The following TRIM41 variants were observed in gnomAD, a reference collection of about 807,000 sequenced individuals.
The protein encoded by TRIM41 is E3 ubiquitin-protein ligase TRIM41.
TRIM41 carries 21 observed loss-of-function variants against 60.6 expected under a neutral mutation model. The observed-to-expected ratio is 0.35, with a 90% CI of 0.25 to 0.50. The LOEUF (loss-of-function observed/expected upper bound fraction) is 0.50. Among genes scored for constraint, TRIM41 ranks in the 20% least tolerant of loss-of-function variants. TRIM41 has a pLI of 0.98. For missense variants in TRIM41, 846 were observed against 868.3 expected (o/e 0.97, Z 0.32); for synonymous variants, 407 against 344.9 (o/e 1.18, Z -2.00).
chr5:181,224,251 C>A lies in TRIM41; in HGVS notation c.252C>A (p.Thr84=), dbSNP rs1758434146. The change falls in exon 1 of 6, where the codon ACC becomes ACA. Residue 84 remains threonine, a synonymous_variant. Transcript: ENST00000315073. ...EAVGAGAGWD[T]PMRDEDYEGD... is the part of the protein sequence containing the mutation. ...TGGGGGCTGGCGCGGGGTGGGACAC[C>A]CCCATGCGGGATGAAGACTACGAGG... 1 of 1,613,520 alleles carries A rather than the reference C, an allele frequency of 6.2e-7. No individual in the cohort carries two copies. Among genetic ancestry groups the A allele is most frequent in the African/African-American group, 1.3e-5 (1 of 74,856 alleles).
intron 1 of TRIM41, chr5:181,225,325 T>C (rs912937283): frequency 5.6e-6 from 1 of 178,074 alleles, no homozygotes; most frequent in Admixed American, 5.3e-5. Flanking sequence ...CTCTGTGTCA[T>C]TCTTATGCAC....
chr5:181,227,528 T>A (rs1758601011), intron 1 of TRIM41: 1 of 152,042 alleles, frequency 6.6e-6, no homozygotes, highest in Non-Finnish European at 1.5e-5. Context: ...TTTTTTGTAT[T>A]TTTAGTAGAG....
intron 2 of TRIM41, chr5:181,231,422 C>G (rs1582278765): frequency 6.7e-6 from 1 of 150,084 alleles, no homozygotes; most frequent in South Asian, 2.2e-4. Context: ...TTTTAAGATA[C>G]ATTTTCCATC....
At position 181,235,384 on chromosome 5, in the gene TRIM41, G is replaced by C. The variant is rs201315626; in HGVS notation, c.*609G>C. 5.6e-6 allele frequency: 9 copies of C among 1,614,172 alleles called. No individual in the cohort carries two copies. The South Asian group carries it at 8.8e-5, about 16-fold the overall frequency. ...CCAGAATTTAGCTTCACTTGAGAGA[G>C]ATCTGGAATGGTCGCCATGATTGAA... On this transcript the variant is annotated 3_prime_UTR_variant, in exon 6 of 6. Transcript: ENST00000315073.
In TRIM41 at chr5:181,235,795, T is replaced by G. The variant is rs1759090478; in HGVS notation, c.*1020T>G. 1 of 205,448 alleles carries G rather than the reference T, an allele frequency of 4.9e-6. No homozygotes were observed. The highest frequency in any genetic ancestry group is 2.3e-5 in the African/African-American group (1 of 43,808). The allele number at this position is 205,448 out of a possible 1,614,324, so 12.7% of individuals were successfully genotyped here. A position where few individuals can be genotyped will look rare whatever the true frequency, so the allele number is the denominator to read the frequency against. On this transcript the variant is annotated 3_prime_UTR_variant, in exon 6 of 6. Coordinates refer to ENST00000315073, the MANE Select transcript of TRIM41 (RefSeq NM_033549.5). ...AAGGCGTGCTGTGGAAATAAAATGT[T>G]TATTTGCTTCTCTTGTGAGGTCTGT...
chr5:181,232,326 T>G, intron 2 of TRIM41: 4 of 300,384 alleles, frequency 1.3e-5, no homozygotes, highest in Non-Finnish European at 1.9e-5. Flanking sequence ...GATACAGTGA[T>G]ATTTGTGGGG....
Position 181,224,825 on chromosome 5 carries a change from C to A in TRIM41, c.813+13C>A. ...GCAGGAGTACAAGGTGAGAGAAGTA[C>A]AGAGAGAAGATGGGAGTTTAGTGGG... On this transcript the variant is annotated intron_variant, in intron 1 of 5. Transcript: ENST00000315073. The A allele has an allele frequency of 6.2e-7, 1 of 1,614,012 alleles. No individual in the cohort carries two copies. The highest frequency in any genetic ancestry group is 8.5e-7 in the Non-Finnish European group (1 of 1,179,992).
rs1758899875 is a variant in TRIM41 at position 181,233,503 on chromosome 5, T to A, written c.1163+68T>A. 1.9e-6 allele frequency: 3 copies of A among 1,613,614 alleles called. No individual in the cohort carries two copies. The Admixed American group carries it at 5.0e-5, about 27-fold the overall frequency. On this transcript the variant is annotated intron_variant, in intron 4 of 5. Transcript: ENST00000315073. This position sits in a 1 kb window ranked among gnomAD's most constrained non-coding sequence, Gnocchi z 4.1. ...GTTCCCTGTCCCTGCTTCTCTTCGG[T>A]ATCCCTCTCCTCTCCTTCCTTCCCC...
At position 181,223,620 on chromosome 5, in the gene TRIM41, C is replaced by G; in HGVS notation, c.-380C>G. On this transcript the variant is annotated 5_prime_UTR_variant, in exon 1 of 6. Transcript: ENST00000315073. ...GTAGCAGGACAGCGGAGGGAAGTCGCGAGCTTAGGTGGTGTGTAGACGCCG... is the reference window on the plus strand; with the variant it reads ...GTAGCAGGACAGCGGAGGGAAGTCGGGAGCTTAGGTGGTGTGTAGACGCCG... 1 of 460,960 alleles carries G rather than the reference C, an allele frequency of 2.2e-6. No homozygotes were observed. Among genetic ancestry groups the G allele is most frequent in the Non-Finnish European group, 3.8e-6 (1 of 261,858 alleles). The allele number at this position is 460,960 out of a possible 1,614,324, so 28.6% of individuals were successfully genotyped here.
Position 181,235,133 on chromosome 5 carries a change from C to A in TRIM41, c.*358C>A. The A allele has an allele frequency of 6.4e-7, 1 of 1,566,292 alleles. No homozygotes were observed. The highest frequency in any genetic ancestry group is 1.2e-5 in the South Asian group (1 of 85,382). Reference sequence around the variant, plus strand: ...ATTCCTTAACTTCCTTTTCCCCACCCCTGCTCTTCAACCTCTTTATCAGTT... The same window carrying A: ...ATTCCTTAACTTCCTTTTCCCCACCACTGCTCTTCAACCTCTTTATCAGTT... On this transcript the variant is annotated 3_prime_UTR_variant, in exon 6 of 6. Transcript: ENST00000315073.
chr5:181,234,417 A>G lies in TRIM41; in HGVS notation c.1535A>G (p.Lys512Arg). 1.3e-6 allele frequency: 2 copies of G among 1,581,936 alleles called. No homozygotes were observed. Among genetic ancestry groups the G allele is most frequent in the Non-Finnish European group, 1.7e-6 (2 of 1,164,454 alleles). ...CGTGAATCAACCCATCATAAGGAAA[A>G]GGTGGGCCCTGGGGGTTCCTCCGTG... ...AARESTHHKE[K>R]VGPGGSSVGS... The change falls in exon 6 of 6, where the codon AAG becomes AGG. Residue 512 changes from lysine (K) to arginine (R), a missense_variant. Lys to Arg is a conservative substitution (Grantham distance 26). Coordinates refer to ENST00000315073, the MANE Select transcript of TRIM41 (RefSeq NM_033549.5). The surrounding 1 kb of genome is among the most constrained non-coding windows in gnomAD (Gnocchi z 5.6).
intron 1 of TRIM41, chr5:181,229,967 T>C (rs150565140): frequency 0.021 from 3,224 of 152,420 alleles, 44 homozygotes; most frequent in South Asian, 0.039. Flanking sequence ...AGGCTGGAAG[T>C]GTGGGGTCAA....
At position 181,223,409 on chromosome 5, in the gene TRIM41, G is replaced by A. The variant is rs1758372853; in HGVS notation, c.-591G>A. ...CCAGGCGCTCCCCCTACCCCCCGAA[G>A]TTTCTCCCCAGCGGCGGGGGATGGG... On this transcript the variant is annotated 5_prime_UTR_variant, in exon 1 of 6. Coordinates refer to ENST00000315073, the MANE Select transcript of TRIM41 (RefSeq NM_033549.5). 7.5e-6 allele frequency: 3 copies of A among 399,906 alleles called. No individual in the cohort carries two copies. The highest frequency in any genetic ancestry group is 1.3e-5 in the Non-Finnish European group (3 of 227,066). The allele number at this position is 399,906 out of a possible 1,614,324, so 24.8% of individuals were successfully genotyped here.
intron 1 of TRIM41, chr5:181,225,515 G>C (rs979564211): frequency 1.3e-5 from 2 of 152,750 alleles, no homozygotes; most frequent in African/African-American, 4.8e-5. Context: ...GGACTGTCTC[G>C]TTAAAACCCA....
chr5:181,235,587 C>A lies in TRIM41; in HGVS notation c.*812C>A. ...TCAGTGGAGCTGGCTTTTCTCCCAG[C>A]CCCTTTCCATGCCTTTCACTCCATT... On this transcript the variant is annotated 3_prime_UTR_variant, in exon 6 of 6. Transcript: ENST00000315073. 1.4e-6 allele frequency: 1 copy of A among 737,366 alleles called. No homozygotes were observed. The highest frequency in any genetic ancestry group is 2.2e-6 in the Non-Finnish European group (1 of 455,250). The allele number at this position is 737,366 out of a possible 1,614,324, so 45.7% of individuals were successfully genotyped here.
In TRIM41 at chr5:181,235,217, A is replaced by T. The variant is rs1275455656; in HGVS notation, c.*442A>T. On this transcript the variant is annotated 3_prime_UTR_variant, in exon 6 of 6. Coordinates refer to ENST00000315073, the MANE Select transcript of TRIM41 (RefSeq NM_033549.5). The stretch of plus-strand genomic sequence containing the variant: ...CCATTCCAATTCCATTTTCTGATGC[A>T]GATTTTAGCTGAGGGATTTGGAAGC... The T allele has an allele frequency of 6.4e-7, 1 of 1,567,062 alleles. No individual in the cohort carries two copies. The highest frequency in any genetic ancestry group is 1.4e-5 in the African/African-American group (1 of 73,910).
Position 181,224,429 on chromosome 5 carries a change from G to T in TRIM41, c.430G>T (p.Asp144Tyr). 1.2e-6 allele frequency: 2 copies of T among 1,613,406 alleles called. No individual in the cohort carries two copies. Among genetic ancestry groups the T allele is most frequent in the Non-Finnish European group, 1.7e-6 (2 of 1,179,630 alleles). ...CTACTTGGGGGACATGGAGGAGGAGGACCTGAGGGGGGAGGATGAGGAGGA... is the reference window on the plus strand; with the variant it reads ...CTACTTGGGGGACATGGAGGAGGAGTACCTGAGGGGGGAGGATGAGGAGGA... ...DYYLGDMEEEDLRGEDEEDEE... is the reference protein window; with the variant it reads ...DYYLGDMEEEYLRGEDEEDEE... The change falls in exon 1 of 6, where the codon GAC becomes TAC. Residue 144 changes from aspartate (D) to tyrosine (Y), a missense_variant. Coordinates refer to ENST00000315073, the MANE Select transcript of TRIM41 (RefSeq NM_033549.5).
rs374075176 is a variant in TRIM41 at position 181,235,028 on chromosome 5, G to T, written c.*253G>T. The T allele has an allele frequency of 3.1e-6, 5 of 1,613,914 alleles. No homozygotes were observed. The highest frequency in any genetic ancestry group is 1.1e-5 in the South Asian group (1 of 91,082). On this transcript the variant is annotated 3_prime_UTR_variant, in exon 6 of 6. Transcript: ENST00000315073. ...TGGGTCCCTGATAATGAGAACAGCT[G>T]CCTGGTCTTCTCTCCCAGTCTGCCT... is the stretch of plus-strand genomic sequence containing the variant.
Position 181,223,550 on chromosome 5 carries a change from T to G in TRIM41, c.-450T>G. 1 of 446,876 alleles carries G rather than the reference T, an allele frequency of 2.2e-6. No homozygotes were observed. Among genetic ancestry groups the G allele is most frequent in the Admixed American group, 3.8e-5 (1 of 26,358 alleles). The allele number at this position is 446,876 out of a possible 1,614,324, so 27.7% of individuals were successfully genotyped here. ...CTCTAGTGCGGACTAGAGCGTCTCC[T>G]CGCCATTTCCTGTCGCCCTGGGGCC... is the stretch of plus-strand genomic sequence containing the variant. On this transcript the variant is annotated 5_prime_UTR_variant, in exon 1 of 6. Transcript: ENST00000315073.
Sources: gnomAD v4.1 joint callset for allele counts on GRCh38, gnomAD v4.1.1 for gene constraint, Gnocchi (gnomAD v3.1) non-coding constraint, MANE v1.5 for transcripts, NCBI Gene and HGNC (gene_info 2026-07-23, HGNC 2026-07-21) for gene names.